Variants in BNIP2 observed in about 807,000 individuals in gnomAD.
BNIP2 encodes the protein BCL2 interacting protein 2.
BNIP2 carries 36 observed loss-of-function variants against 43.4 expected under a neutral mutation model. The observed-to-expected ratio is 0.83, with a 90% CI of 0.64 to 1.10. The LOEUF (loss-of-function observed/expected upper bound fraction) is 1.10. Ranked by LOEUF, BNIP2 falls within the 50% of genes least tolerant of loss-of-function variation. The pLI is 0.00. For synonymous variants in BNIP2, 146 were observed against 121.0 expected (o/e 1.21, Z -1.35); for missense variants, 417 against 374.1 (o/e 1.11, Z -0.95).
intron 1 of BNIP2, among the ~76,000 whole-genome samples, chr15:59,686,889 G>GT (rs1236571873): frequency 9.2e-5 from 14 of 152,108 alleles, no homozygotes; most frequent in African/African-American, 2.9e-4. Context: ...TGGTGGCACT[G>GT]GCCTGTAATC....
intron 1 of BNIP2, among the ~76,000 whole-genome samples, chr15:59,685,678 T>C (rs976937067): frequency 6.6e-6 from 1 of 152,214 alleles, no homozygotes; most frequent in African/African-American, 2.4e-5. Flanking sequence ...TAATCAATTA[T>C]CTAGTTAAAC....
intron 3 of BNIP2, 80 bp from the exon 4 acceptor site, chr15:59,679,848 C>A: frequency 8.2e-7 from 1 of 1,216,938 alleles, no homozygotes; most frequent in Non-Finnish European, 1.1e-6. Context: ...ATTTTAACTA[C>A]CCCATTCTTG....
intron 5 of BNIP2, among the ~76,000 whole-genome samples, chr15:59,676,169 A>C (rs186002560): frequency 1.3e-5 from 2 of 151,866 alleles, no homozygotes; most frequent in Non-Finnish European, 2.9e-5. Flanking sequence ...CAGTTTAAAA[A>C]ATTTTTTAAT....
intron 5 of BNIP2, among the ~76,000 whole-genome samples, chr15:59,674,630 A>G (rs1205011621): frequency 6.6e-6 from 1 of 152,192 alleles, no homozygotes; most frequent in Non-Finnish European, 1.5e-5. Context: ...TCTGGCAGAG[A>G]GTAAATCAAG....
chr15:59,661,713 C>T lies in BNIP2; in HGVS notation c.*2356G>A, dbSNP rs1892285739. 1 of 152,212 alleles carries T rather than the reference C, an allele frequency of 6.6e-6. No individual in the cohort carries two copies. Among genetic ancestry groups the T allele is most frequent in the Non-Finnish European group, 1.5e-5 (1 of 68,042 alleles). The allele number at this position is 152,212 out of a possible 1,614,324, so 9.4% of individuals were successfully genotyped here. A position where few individuals can be genotyped will look rare whatever the true frequency, so the allele number is the denominator to read the frequency against. On this transcript the variant is annotated 3_prime_UTR_variant, in exon 10 of 10. Coordinates refer to ENST00000607373, the MANE Select transcript of BNIP2 (RefSeq NM_004330.4). Reference sequence around the variant, plus strand: ...CAACAGAAAGATAAAAGTACAATCACATATACTTTCACCTTGGTCAGTAAT... The same window carrying T: ...CAACAGAAAGATAAAAGTACAATCATATATACTTTCACCTTGGTCAGTAAT...
Position 59,682,481 on chromosome 15 carries a change from C to T in BNIP2, c.-24G>A. ...ATCCTCAGCCTGGATTCAATGTCAA[C>T]TACAAACTCTTGATAATCCAGGGAG... On this transcript the variant is annotated 5_prime_UTR_variant, in exon 2 of 10. Coordinates refer to ENST00000607373, the MANE Select transcript of BNIP2 (RefSeq NM_004330.4). 1.2e-6 allele frequency: 2 copies of T among 1,613,466 alleles called. No individual in the cohort carries two copies. Among genetic ancestry groups the T allele is most frequent in the Non-Finnish European group, 1.7e-6 (2 of 1,179,722 alleles).
At chr15:59,679,859 G>A (rs1292356601) in intron 3 of BNIP2, 91 bp from the exon 4 acceptor site, 3 of 1,117,258 alleles carry the variant, frequency 2.7e-6, no homozygotes, top group South Asian at 2.0e-5. Flanking sequence ...CCCATTCTTG[G>A]GAAAAAATAA....
intron 9 of BNIP2, 55 bp downstream of exon 9, chr15:59,668,837 T>TAACTG: frequency 7.1e-7 from 1 of 1,416,284 alleles, no homozygotes; most frequent in Non-Finnish European, 9.9e-7. Context: ...GTATTATCCA[T>TAACTG]TGCACATCAA....
intron 1 of BNIP2, 124 bp downstream of exon 1, chr15:59,689,011 G>T: frequency 6.9e-7 from 1 of 1,446,252 alleles, no homozygotes; most frequent in South Asian, 1.5e-5. Flanking sequence ...CCCTACCAAG[G>T]GTAACTCTCT....
intron 5 of BNIP2, among the ~76,000 whole-genome samples, chr15:59,675,673 T>C (rs1281840753): frequency 6.6e-6 from 1 of 152,186 alleles, no homozygotes; most frequent in Non-Finnish European, 1.5e-5. Context: ...ACAAGAATGT[T>C]CAAAGCAGTT....
At chr15:59,686,886 AC>A (rs1175302403) in intron 1 of BNIP2, among the ~76,000 whole-genome samples, 14 of 152,182 alleles carry the variant, frequency 9.2e-5, no homozygotes, top group African/African-American at 2.9e-4. Context: ...GAGTGGTGGC[AC>A]TGGCCTGTAA....
At chr15:59,665,499 A>C (rs756957102) in intron 9 of BNIP2, 38 of 152,376 alleles carry the variant, frequency 2.5e-4, no homozygotes, top group Admixed American at 9.2e-4. Context: ...AGTCCCAGCT[A>C]CTCAGAAGGC....
Position 59,688,049 on chromosome 15 carries a change from T to C in BNIP2, c.-58+1086A>G, listed in dbSNP as rs539318496. Among the ~76,000 whole-genome samples, 12 of 152,326 alleles carry C rather than the reference T, an allele frequency of 7.9e-5. No homozygotes were observed. The East Asian group carries it at 9.6e-4, about 12-fold the overall frequency. Reference sequence around the variant, plus strand: ...TGAAGACCATAATAGCACTGACTTATGATAATCTAGTTCAAGTTCCGTTTG... The same window carrying C: ...TGAAGACCATAATAGCACTGACTTACGATAATCTAGTTCAAGTTCCGTTTG... On this transcript the variant is annotated intron_variant, in intron 1 of 9. Transcript: ENST00000607373.
At chr15:59,666,085 AT>A (rs1252777758) in intron 9 of BNIP2, among the ~76,000 whole-genome samples, 3 of 101,734 alleles carry the variant, frequency 2.9e-5, no homozygotes, top group African/African-American at 7.0e-5. Context: ...CATTTTAACA[AT>A]CTGTATCTGC....
At chr15:59,675,973 C>A (rs1893258881) in intron 5 of BNIP2, among the ~76,000 whole-genome samples, 1 of 152,048 alleles carries the variant, frequency 6.6e-6, no homozygotes, top group South Asian at 2.1e-4. Context: ...CACAGGGGTA[C>A]TAAATAATTC....
chr15:59,673,811 G>A (rs1235824505), intron 5 of BNIP2, among the ~76,000 whole-genome samples: 3 of 152,014 alleles, frequency 2.0e-5, no homozygotes, highest in African/African-American at 7.2e-5. Flanking sequence ...AATTAGGCCG[G>A]GCGAGGTGGC....
Position 59,677,769 on chromosome 15 carries a change from G to C in BNIP2, c.472+142C>G. ...CAGGAACTGGTTAGCAGGAAGAAAT[G>C]TCCTACAAAAGACGAGTCTCTCAAC... On this transcript the variant is annotated intron_variant, in intron 5 of 9. Transcript: ENST00000607373. 4 of 1,207,012 alleles carry C rather than the reference G, an allele frequency of 3.3e-6. No homozygotes were observed. In the Middle Eastern group the frequency reaches 6.7e-4, roughly 201 times the overall value. 74.8% of individuals were successfully genotyped at this position (1,207,012 alleles called of 1,614,324 possible).
chr15:59,678,210 A>C (rs1319868782), intron 4 of BNIP2, 123 bp from the exon 5 acceptor site: 86 of 1,394,048 alleles, frequency 6.2e-5, no homozygotes, highest in Non-Finnish European at 7.8e-5. Context: ...ACAATTTTCA[A>C]TCTCTCTTCC....
chr15:59,662,220 G>A lies in BNIP2; in HGVS notation c.*1849C>T, dbSNP rs991457620. Reference sequence around the variant, plus strand: ...TTGAGCAAGATAAAGATGTACAGATGAAAGACTACGTTAAATCGTCTACAA... The same window carrying A: ...TTGAGCAAGATAAAGATGTACAGATAAAAGACTACGTTAAATCGTCTACAA... On this transcript the variant is annotated 3_prime_UTR_variant, in exon 10 of 10. Transcript: ENST00000607373. 2.6e-5 allele frequency: 4 copies of A among 152,184 alleles called. No individual in the cohort carries two copies. Among genetic ancestry groups the A allele is most frequent in the African/African-American group, 7.2e-5 (3 of 41,444 alleles). The allele number at this position is 152,184 out of a possible 1,614,324, so 9.4% of individuals were successfully genotyped here.
Sources: gnomAD v4.1 joint callset for allele counts (sites outside exome capture counted in the v4.1 genomes callset) on GRCh38, gnomAD v4.1.1 for gene constraint, MANE v1.5 for transcripts, NCBI Gene and HGNC (gene_info 2026-07-23, HGNC 2026-07-21) for gene names.